ZNF521: variants seen among roughly 807,000 people sequenced by gnomAD.
ZNF521 encodes the protein zinc finger protein 521, also known as LYST-interacting protein 3.
Under a neutral mutation model 105.5 loss-of-function variants are expected in ZNF521, and 14 were observed. The ratio of observed to expected loss-of-function variants is 0.13; its 90% CI spans 0.09 to 0.21. ZNF521 has a LOEUF of 0.21. Among genes scored for constraint, ZNF521 ranks in the 10% least tolerant of loss-of-function variants. The pLI is 1.00. For synonymous variants in ZNF521, 635 were observed against 606.0 expected (o/e 1.05, Z -0.70); for missense variants, 1,233 against 1,629.7 (o/e 0.76, Z 4.19).
chr18:25,256,127 C>G (rs1450599430), intron 3 of ZNF521, among the ~76,000 whole-genome samples: 1 of 151,272 alleles, frequency 6.6e-6, no homozygotes, highest in Non-Finnish European at 1.5e-5. Flanking sequence ...ATGAACCTTG[C>G]AGGCATTAAG....
chr18:25,341,100 CCAT>C lies in ZNF521; in HGVS notation c.40+9804_40+9806del, dbSNP rs370182365. 4.4e-3 allele frequency among the ~76,000 whole-genome samples: 668 copies of C among 152,256 alleles called. 6 individuals carry two copies. Among genetic ancestry groups the C allele is most frequent in the African/African-American group, 0.016 (650 of 41,530 alleles). On this transcript the variant is annotated intron_variant, in intron 2 of 7. Coordinates refer to ENST00000361524, the MANE Select transcript of ZNF521 (RefSeq NM_015461.3). The stretch of plus-strand genomic sequence containing the variant: ...GTGCTCACATCTTTGAACACGAAGA[CCAT>C]CAAGACACCCAATATCATTATCCTT...
chr18:25,174,096 A>C (rs976293674), intron 5 of ZNF521, among the ~76,000 whole-genome samples: 34 of 152,190 alleles, frequency 2.2e-4, no homozygotes, highest in African/African-American at 8.0e-4. Context: ...AAATGAAACA[A>C]CATCACTATT....
intron 5 of ZNF521, among the ~76,000 whole-genome samples, chr18:25,097,608 T>C (rs1410416550): frequency 1.3e-5 from 2 of 152,012 alleles, no homozygotes; most frequent in African/African-American, 4.8e-5. Flanking sequence ...GACACAGGCA[T>C]GAGACTCTTA....
At chr18:25,113,131 G>C (rs146647041) in intron 5 of ZNF521, among the ~76,000 whole-genome samples, 4 of 152,094 alleles carry the variant, frequency 2.6e-5, no homozygotes, top group Non-Finnish European at 4.4e-5. Context: ...GTCCTTAGTG[G>C]GAGTTACAAA....
intron 3 of ZNF521, among the ~76,000 whole-genome samples, chr18:25,317,411 G>C (rs942572509): frequency 3.9e-5 from 6 of 151,902 alleles, no homozygotes; most frequent in Admixed American, 3.3e-4. Context: ...ATAACTATAG[G>C]GCACGCACTC....
At chr18:25,073,842 C>T (rs77270517) in intron 7 of ZNF521, among the ~76,000 whole-genome samples, 11,672 of 150,658 alleles carry the variant, frequency 0.077, 665 homozygotes, top group Non-Finnish European at 0.12. Context: ...AAGAGTAAGT[C>T]AAACATGTTA....
chr18:25,320,319 C>T (rs1912869118), intron 3 of ZNF521, among the ~76,000 whole-genome samples: 1 of 152,078 alleles, frequency 6.6e-6, no homozygotes, highest in South Asian at 2.1e-4. Flanking sequence ...ATTACAGGCA[C>T]GTGCCACCAC....
intron 3 of ZNF521, among the ~76,000 whole-genome samples, chr18:25,239,267 A>T (rs1200104234): frequency 6.6e-6 from 1 of 152,206 alleles, no homozygotes; most frequent in Non-Finnish European, 1.5e-5. Context: ...CGTTGGCAGC[A>T]GCTTGTACAT....
intron 3 of ZNF521, among the ~76,000 whole-genome samples, chr18:25,299,698 C>T (rs1911522304): frequency 6.6e-6 from 1 of 152,138 alleles, no homozygotes; most frequent in Non-Finnish European, 1.5e-5. Flanking sequence ...TAAAGACATA[C>T]CACTCTATAA....
chr18:25,198,122 A>G (rs2035932842), intron 4 of ZNF521, among the ~76,000 whole-genome samples: 1 of 151,848 alleles, frequency 6.6e-6, no homozygotes, highest in South Asian at 2.1e-4. Flanking sequence ...TTTTTAAAAG[A>G]GACTTTTTTT....
intron 5 of ZNF521, among the ~76,000 whole-genome samples, chr18:25,125,070 A>G (rs1299255534): frequency 2.6e-4 from 39 of 152,178 alleles, no homozygotes; most frequent in Non-Finnish European, 7.4e-5. Context: ...AGTACCTCAA[A>G]GAGTATGCAT....
At position 25,294,788 on chromosome 18, in the gene ZNF521, G is replaced by GAGACAGC. The variant is rs1205051200; in HGVS notation, c.220+27213_220+27219dup. Among the ~76,000 whole-genome samples, 5 of 138,334 alleles carry GAGACAGC rather than the reference G, an allele frequency of 3.6e-5. No homozygotes were observed. The Admixed American group carries it at 4.1e-4, about 11-fold the overall frequency. The allele number at this position is 138,334 out of a possible 152,430, so 90.8% of individuals were successfully genotyped here. A position where few individuals can be genotyped will look rare whatever the true frequency, so the allele number is the denominator to read the frequency against. On this transcript the variant is annotated intron_variant, in intron 3 of 7. Coordinates refer to ENST00000361524, the MANE Select transcript of ZNF521 (RefSeq NM_015461.3). ...GAGAATCGCTTGAACCCAGGAGGCGGAGACAGCAGTGAGCCAAGATCGTGC... is the reference window on the plus strand; with the variant it reads ...GAGAATCGCTTGAACCCAGGAGGCGGAGACAGCAGACAGCAGTGAGCCAAGATCGTGC...
intron 7 of ZNF521, among the ~76,000 whole-genome samples, chr18:25,080,532 A>G (rs2033470943): frequency 6.6e-6 from 1 of 152,194 alleles, no homozygotes; most frequent in African/African-American, 2.4e-5. Flanking sequence ...TTTGGCTCTG[A>G]AGCTGCCCGG....
chr18:25,299,344 C>T (rs999685333), intron 3 of ZNF521, among the ~76,000 whole-genome samples: 3 of 152,100 alleles, frequency 2.0e-5, no homozygotes, highest in African/African-American at 4.8e-5. Flanking sequence ...GATGTAAATG[C>T]GAACAAGACA....
At chr18:25,133,422 G>T (rs2034676444) in intron 5 of ZNF521, among the ~76,000 whole-genome samples, 1 of 152,054 alleles carries the variant, frequency 6.6e-6, no homozygotes, top group South Asian at 2.1e-4. Flanking sequence ...TTTAATTCTG[G>T]CAAGAAGTAA....
intron 5 of ZNF521, among the ~76,000 whole-genome samples, chr18:25,145,693 G>A (rs992010316): frequency 1.3e-5 from 2 of 152,020 alleles, no homozygotes; most frequent in African/African-American, 4.8e-5. Context: ...AGAAGTACTT[G>A]GTTTAAGAGT....
At chr18:25,089,018 A>C (rs182297924) in intron 7 of ZNF521, among the ~76,000 whole-genome samples, 1 of 152,348 alleles carries the variant, frequency 6.6e-6, no homozygotes, top group East Asian at 1.9e-4. Context: ...GAAGATATAC[A>C]TACTGGACAA....
intron 3 of ZNF521, among the ~76,000 whole-genome samples, chr18:25,229,544 A>T (rs1359089334): frequency 2.0e-5 from 3 of 152,208 alleles, no homozygotes; most frequent in Non-Finnish European, 2.9e-5. Flanking sequence ...ATACAAAAAA[A>T]AAAATTTAAC....
rs755213954 is a variant in ZNF521, at chr18:25,224,611, C to T, written c.3307G>A (p.Ala1103Thr). The stretch of plus-strand genomic sequence containing the variant: ...GGAGGGACGTTAATGCCTGGGCTGG[C>T]GCTCTTACTGAGATTCACGCAGCCG... ...CAGCVNLSKS[A>T]SPGINVPPGT... Residue 1103 changes from alanine (A) to threonine (T), a missense_variant, in exon 4 of 8, where the codon GCC (alanine) becomes ACC (threonine). Around this residue, in one of 6 missense-constraint regions of ZNF521, gnomAD observed 614 missense variants for 751.5 expected, o/e 0.82. Coordinates refer to ENST00000361524, the MANE Select transcript of ZNF521 (RefSeq NM_015461.3). 3.3e-5 allele frequency: 54 copies of T among 1,613,942 alleles called. No individual in the cohort carries two copies. The East Asian group carries it at 4.7e-4, about 14-fold the overall frequency.
Sources: allele counts gnomAD v4.1 joint callset (sites outside exome capture counted in the v4.1 genomes callset), GRCh38; gene constraint gnomAD v4.1.1; regional missense constraint gnomAD v4.1.1; transcripts MANE v1.5; gene names NCBI Gene and HGNC (gene_info 2026-07-23, HGNC 2026-07-21).